The following COPS2 variants were observed in gnomAD, a reference collection of about 807,000 sequenced individuals.
COPS2 encodes COP9 signalosome complex subunit 2.
COPS2 carries 10 observed loss-of-function variants against 66.1 expected under a neutral mutation model. That is an observed-to-expected ratio of 0.15 (90% CI 0.09 to 0.26). The LOEUF is 0.26. Among genes scored for constraint, COPS2 ranks in the 10% least tolerant of loss-of-function variants. The pLI, the probability that COPS2 is intolerant of heterozygous loss-of-function variation, is 1.00. For missense variants in COPS2, 215 were observed against 513.3 expected (o/e 0.42, Z 5.62); for synonymous variants, 179 against 171.3 (o/e 1.04, Z -0.35).
In COPS2 at chr15:49,137,209, C is replaced by G. The variant is rs1302271098; in HGVS notation, c.481G>C (p.Glu161Gln). The change falls in exon 6 of 13, where the codon GAA becomes CAA. Residue 161 changes from glutamate to glutamine, a missense_variant. By Grantham distance (29) the Glu-to-Gln change is conservative. This residue lies in a region of COPS2 where 90 missense variants were observed against 225.1 expected (regional missense o/e 0.40). Coordinates refer to ENST00000388901, the MANE Select transcript of COPS2 (RefSeq NM_004236.4). The stretch of plus-strand genomic sequence containing the variant: ...TGAAGCTTTCCATATTCCTCTCGTT[C>G]TAAATATAATTTTCCAAGCTGCAAG... The part of the protein sequence containing the change: ...TNTKLGKLYL[E>Q]REEYGKLQKI... 1.2e-6 allele frequency: 2 copies of G among 1,604,770 alleles called. No homozygotes were observed. The highest frequency in any genetic ancestry group is 1.7e-6 in the Non-Finnish European group (2 of 1,177,120).
At chr15:49,137,741 C>T (rs928188523) in intron 4 of COPS2, 2 of 219,262 alleles carry the variant, frequency 9.1e-6, no homozygotes, top group African/African-American at 4.6e-5. Context: ...ATAATACATT[C>T]TGTATTTTAT....
chr15:49,134,591 T>A, intron 6 of COPS2, 77 bp from the exon 7 acceptor site: 1 of 1,157,396 alleles, frequency 8.6e-7, no homozygotes, highest in Non-Finnish European at 1.2e-6. Flanking sequence ...CTGGAAATCT[T>A]ACATTTATAA....
intron 12 of COPS2, 94 bp from the exon 13 acceptor site, chr15:49,128,188 C>CA (rs552792949): frequency 8.4e-4 from 992 of 1,179,758 alleles, no homozygotes; most frequent in South Asian, 1.3e-3. Context: ...CAACAAATGC[C>CA]AAAAAAAAAG....
At chr15:49,155,483 A>C (rs898928324) in intron 1 of COPS2, 42 bp downstream of exon 1, 2 of 1,605,178 alleles carry the variant, frequency 1.2e-6, no homozygotes, top group Admixed American at 1.7e-5. Context: ...CCCGAAAACA[A>C]GACACATCAC....
Position 49,123,033 on chromosome 15 carries a change from TTC to T in COPS2, c.*4915_*4916del, listed in dbSNP as rs1156653819. 1 of 152,160 alleles carries T rather than the reference TTC, an allele frequency of 6.6e-6. No homozygotes were observed. The highest frequency in any genetic ancestry group is 2.4e-5 in the African/African-American group (1 of 41,462). The allele number at this position is 152,160 out of a possible 1,614,324, so 9.4% of individuals were successfully genotyped here. ...TAACACATTGCAAAACCAAACAACTTTCTATTTTCCATGTCATTGCTCCATTT... is the reference window on the plus strand; with the variant it reads ...TAACACATTGCAAAACCAAACAACTTTATTTTCCATGTCATTGCTCCATTT... On this transcript the variant is annotated 3_prime_UTR_variant, in exon 13 of 13. Transcript: ENST00000388901.
chr15:49,127,099 C>CT lies in COPS2; in HGVS notation c.*850dup, dbSNP rs1301469725. On this transcript the variant is annotated 3_prime_UTR_variant, in exon 13 of 13. Coordinates refer to ENST00000388901, the MANE Select transcript of COPS2 (RefSeq NM_004236.4). The stretch of plus-strand genomic sequence containing the variant: ...TATTCTTTTGAAAAGGAATATCACT[C>CT]TTTAAAAAAAAAGAATTTTATTCCT... The CT allele has an allele frequency of 6.6e-6, 1 of 151,930 alleles. No individual in the cohort carries two copies. Among genetic ancestry groups the CT allele is most frequent in the Non-Finnish European group, 1.5e-5 (1 of 67,942 alleles). The allele number at this position is 151,930 out of a possible 1,614,324, so 9.4% of individuals were successfully genotyped here.
At chr15:49,150,026 G>C (rs1246168001) in intron 1 of COPS2, among the ~76,000 whole-genome samples, 1 of 152,106 alleles carries the variant, frequency 6.6e-6, no homozygotes, top group East Asian at 1.9e-4. Context: ...TGGGCACGGT[G>C]GCTCATGCCT....
intron 6 of COPS2, 55 bp from the exon 7 acceptor site, chr15:49,134,569 A>C: frequency 4.5e-6 from 6 of 1,347,236 alleles, no homozygotes; most frequent in Non-Finnish European, 6.2e-6. Context: ...AGTAATTCTT[A>C]TTTGCATTAG....
At chr15:49,135,803 C>T (rs2084246313) in intron 6 of COPS2, among the ~76,000 whole-genome samples, 1 of 152,202 alleles carries the variant, frequency 6.6e-6, no homozygotes, top group Non-Finnish European at 1.5e-5. Context: ...TATCCTGCAT[C>T]TTTCCCTGAA....
intron 1 of COPS2, among the ~76,000 whole-genome samples, chr15:49,148,767 A>G (rs1345632176): frequency 1.3e-5 from 2 of 152,228 alleles, no homozygotes; most frequent in African/African-American, 4.8e-5. Context: ...AGGGGACACA[A>G]TAAATGATGG....
intron 1 of COPS2, among the ~76,000 whole-genome samples, chr15:49,145,706 G>C (rs747488298): frequency 6.6e-6 from 1 of 152,070 alleles, no homozygotes; most frequent in Non-Finnish European, 1.5e-5. Context: ...ATAATTTTAT[G>C]AGACTTTCTA....
intron 1 of COPS2, 92 bp from the exon 2 acceptor site, chr15:49,145,170 C>T: frequency 1.6e-6 from 1 of 622,526 alleles, no homozygotes; most frequent in Non-Finnish European, 2.7e-6. Flanking sequence ...GACAGAAAAA[C>T]CACATATTTT....
At chr15:49,155,155 C>T (rs991865849) in intron 1 of COPS2, among the ~76,000 whole-genome samples, 1 of 152,250 alleles carries the variant, frequency 6.6e-6, no homozygotes, top group Admixed American at 6.5e-5. Context: ...GAACGCTGGG[C>T]CCGAAAGGGC....
chr15:49,133,112 C>T (rs569710968), intron 9 of COPS2, among the ~76,000 whole-genome samples: 2 of 152,050 alleles, frequency 1.3e-5, no homozygotes, highest in South Asian at 4.2e-4. Flanking sequence ...CCTCAGCCTC[C>T]CGAGTAGCTG....
intron 1 of COPS2, among the ~76,000 whole-genome samples, chr15:49,148,258 C>T (rs1427872416): frequency 1.3e-5 from 2 of 152,192 alleles, no homozygotes; most frequent in African/African-American, 4.8e-5. Context: ...TCAAGGTATT[C>T]ATGGTCTATT....
At chr15:49,140,626 G>T (rs532318550) in intron 3 of COPS2, among the ~76,000 whole-genome samples, 20 of 152,170 alleles carry the variant, frequency 1.3e-4, no homozygotes, top group African/African-American at 4.3e-4. Context: ...ACTTATTCTG[G>T]GAGAGGTTTA....
intron 3 of COPS2, among the ~76,000 whole-genome samples, chr15:49,140,124 T>C (rs1037310315): frequency 1.5e-4 from 23 of 151,988 alleles, no homozygotes; most frequent in South Asian, 4.1e-4. Flanking sequence ...GTAGCTGGGA[T>C]TACAGGCATG....
rs140594385 is a variant in COPS2 at position 49,123,661 on chromosome 15, T to G, written c.*4289A>C. 1.3e-5 allele frequency: 2 copies of G among 152,320 alleles called. No individual in the cohort carries two copies. Among genetic ancestry groups the G allele is most frequent in the East Asian group, 3.9e-4 (2 of 5,186 alleles). The allele number at this position is 152,320 out of a possible 1,614,324, so 9.4% of individuals were successfully genotyped here. A position where few individuals can be genotyped will look rare whatever the true frequency, so the allele number is the denominator to read the frequency against. On this transcript the variant is annotated 3_prime_UTR_variant, in exon 13 of 13. Coordinates refer to ENST00000388901, the MANE Select transcript of COPS2 (RefSeq NM_004236.4). ...AACAAAGTTGCCCCCGAATAGTAAGTACTTAAGAAATAATTTTTTCTTTTT... is the reference window on the plus strand; with the variant it reads ...AACAAAGTTGCCCCCGAATAGTAAGGACTTAAGAAATAATTTTTTCTTTTT...
rs143287134 is a variant in COPS2 at position 49,137,541 on chromosome 15, C to T, written c.373-104G>A. On this transcript the variant is annotated intron_variant, in intron 4 of 12. Coordinates refer to ENST00000388901, the MANE Select transcript of COPS2 (RefSeq NM_004236.4). ...AAGTGCATCTTTGAACTTTAATACA[C>T]ATAAGATACACTATCTGTATCTTAC... 2.9e-5 allele frequency: 23 copies of T among 798,788 alleles called. 1 individual carries two copies. In the East Asian group the frequency reaches 4.2e-4, roughly 15 times the overall value. 49.5% of individuals were successfully genotyped at this position (798,788 alleles called of 1,614,324 possible).
Sources: gnomAD v4.1 joint callset for allele counts (sites outside exome capture counted in the v4.1 genomes callset) on GRCh38, gnomAD v4.1.1 for gene constraint, gnomAD v4.1.1 regional missense constraint, MANE v1.5 for transcripts, NCBI Gene and HGNC (gene_info 2026-07-23, HGNC 2026-07-21) for gene names.